The following PPP1R21 variants were observed in gnomAD, a reference collection of about 807,000 sequenced individuals.
PPP1R21 encodes the protein protein phosphatase 1 regulatory subunit 21.
In PPP1R21, 85 loss-of-function variants were observed where a neutral mutation model predicts 112.8. That is an observed-to-expected ratio of 0.75 (90% CI 0.63 to 0.90). The LOEUF (loss-of-function observed/expected upper bound fraction) is 0.90, where lower values mean the gene tolerates loss of function less well. Ranked by LOEUF, PPP1R21 falls within the 40% of genes least tolerant of loss-of-function variation. The pLI is 0.00. For synonymous variants in PPP1R21, 381 were observed against 322.3 expected (o/e 1.18, Z -1.95); for missense variants, 1,199 against 901.5 (o/e 1.33, Z -4.23).
At position 48,495,727 on chromosome 2, in the gene PPP1R21, A is replaced by T; in HGVS notation, c.1648A>T (p.Ile550Phe). 3 of 1,612,820 alleles carry T rather than the reference A, an allele frequency of 1.9e-6. No homozygotes were observed. Among genetic ancestry groups the T allele is most frequent in the Non-Finnish European group, 2.5e-6 (3 of 1,178,770 alleles). Reference protein sequence around the residue: ...PYEEALANRRILLSSTESREG... With the variant: ...PYEEALANRRFLLSSTESREG... ...TGAAGAAGCACTGGCAAACCGCCGC[A>T]TCCTTCTCAGCTCTACTGAAAGTCG... The change falls in exon 16 of 22, where the codon ATC becomes TTC. Residue 550 changes from isoleucine to phenylalanine, a missense_variant. Ile to Phe is a conservative substitution (Grantham distance 21). Transcript: ENST00000294952.
chr2:48,471,784 AC>A (rs1382442744), intron 11 of PPP1R21, among the ~76,000 whole-genome samples: 1 of 152,186 alleles, frequency 6.6e-6, no homozygotes, highest in African/African-American at 2.4e-5. Context: ...TCATTTAGTA[AC>A]CTTTGATATT....
intron 9 of PPP1R21, among the ~76,000 whole-genome samples, chr2:48,470,272 C>CT (rs1180387817): frequency 6.6e-6 from 1 of 152,106 alleles, no homozygotes; most frequent in African/African-American, 2.4e-5. Flanking sequence ...AATCACAGCA[C>CT]TTTGGGAGGC....
intron 21 of PPP1R21, among the ~76,000 whole-genome samples, chr2:48,514,131 A>T (rs1356219754): frequency 2.6e-5 from 3 of 117,526 alleles, no homozygotes. Context: ...TCCCGGGTTC[A>T]TGCCATTCTC....
At chr2:48,471,994 C>T (rs1384803797) in intron 11 of PPP1R21, among the ~76,000 whole-genome samples, 1 of 152,008 alleles carries the variant, frequency 6.6e-6, no homozygotes, top group Non-Finnish European at 1.5e-5. Flanking sequence ...AATCCCAGCA[C>T]TTTGGGAGGC....
At chr2:48,491,263 CT>C in intron 15 of PPP1R21, 93 bp downstream of exon 15, 1 of 1,359,866 alleles carries the variant, frequency 7.4e-7, no homozygotes, top group Non-Finnish European at 1.0e-6. Flanking sequence ...ATATTGTTGA[CT>C]TTTTATACGA....
At chr2:48,513,292 C>T (rs200938047) in intron 21 of PPP1R21, among the ~76,000 whole-genome samples, 1 of 151,952 alleles carries the variant, frequency 6.6e-6, no homozygotes, top group African/African-American at 2.4e-5. Flanking sequence ...GCAACCTTCA[C>T]CTCCCAGGTT....
At chr2:48,510,647 C>G (rs1670598314) in intron 20 of PPP1R21, among the ~76,000 whole-genome samples, 1 of 152,144 alleles carries the variant, frequency 6.6e-6, no homozygotes, top group South Asian at 2.1e-4. Context: ...ATTAGGCACA[C>G]AGGATTAGAT....
At chr2:48,477,435 G>T (rs1020461097) in intron 12 of PPP1R21, among the ~76,000 whole-genome samples, 2 of 152,038 alleles carry the variant, frequency 1.3e-5, no homozygotes, top group African/African-American at 2.4e-5. Context: ...TTTAATTTTT[G>T]TATATGGTGC....
chr2:48,444,414 A>T (rs1667162444), intron 1 of PPP1R21, among the ~76,000 whole-genome samples: 1 of 152,194 alleles, frequency 6.6e-6, no homozygotes. Flanking sequence ...ATGAAAGACC[A>T]TTTCTGACTT....
At chr2:48,495,595 G>T in intron 15 of PPP1R21, 84 bp from the exon 16 acceptor site, 2 of 741,228 alleles carry the variant, frequency 2.7e-6, no homozygotes, top group Non-Finnish European at 4.8e-6. Flanking sequence ...GTCACACCTC[G>T]TTTAGCATTC....
rs1358007440 is a variant in PPP1R21, at chr2:48,440,890, G to A, written c.-64G>A. 1 of 1,087,588 alleles carries A rather than the reference G, an allele frequency of 9.2e-7. No individual in the cohort carries two copies. 67.4% of individuals were successfully genotyped at this position (1,087,588 alleles called of 1,614,324 possible). On this transcript the variant is annotated 5_prime_UTR_variant, in exon 1 of 22. Coordinates refer to ENST00000294952, the MANE Select transcript of PPP1R21 (RefSeq NM_001135629.3). The stretch of plus-strand genomic sequence containing the variant: ...GACCCGTTCCCGGGAGCGTGTCTGG[G>A]TTTGGGGGCGGGAGACAGGCTGAGC...
At chr2:48,490,961 A>G (rs1669536175) in intron 14 of PPP1R21, 57 bp from the exon 15 acceptor site, 6 of 1,448,054 alleles carry the variant, frequency 4.1e-6, no homozygotes, top group African/African-American at 1.4e-5. Flanking sequence ...TATTAGATAT[A>G]TATTTTAGAT....
In PPP1R21 at chr2:48,469,469, C is replaced by CATATATAT. The variant is rs146311511; in HGVS notation, c.898-1610_898-1603dup. ...AGAGAGAGCATATATATATATAGAG[C>CATATATAT]ATATATATATATATAGAGCATATAT... is the stretch of plus-strand genomic sequence containing the variant. On this transcript the variant is annotated intron_variant, in intron 9 of 21. Transcript: ENST00000294952. Among the ~76,000 whole-genome samples, 64 of 58,510 alleles carry CATATATAT rather than the reference C, an allele frequency of 1.1e-3. 5 individuals carry two copies. Among genetic ancestry groups the CATATATAT allele is most frequent in the African/African-American group, 4.2e-3 (62 of 14,896 alleles). The allele number at this position is 58,510 out of a possible 152,430, so 38.4% of individuals were successfully genotyped here. A position where few individuals can be genotyped will look rare whatever the true frequency, so the allele number is the denominator to read the frequency against.
At chr2:48,482,889 T>G (rs1669088474) in intron 13 of PPP1R21, among the ~76,000 whole-genome samples, 2 of 152,098 alleles carry the variant, frequency 1.3e-5, no homozygotes. Flanking sequence ...AACTAGATAG[T>G]AAGCCCAGCA....
intron 12 of PPP1R21, among the ~76,000 whole-genome samples, chr2:48,478,445 A>G (rs1225576332): frequency 6.6e-6 from 1 of 152,220 alleles, no homozygotes; most frequent in Non-Finnish European, 1.5e-5. Flanking sequence ...TTGGGCATGC[A>G]TACAGTCACC....
chr2:48,490,066 A>G (rs952284245), intron 14 of PPP1R21, among the ~76,000 whole-genome samples: 1 of 151,762 alleles, frequency 6.6e-6, no homozygotes, highest in African/African-American at 2.4e-5. Context: ...CAAAAATACA[A>G]AAATTACCCG....
intron 2 of PPP1R21, 62 bp from the exon 3 acceptor site, chr2:48,454,533 A>G (rs773140263): frequency 2.3e-5 from 36 of 1,577,650 alleles, no homozygotes; most frequent in African/African-American, 4.1e-5. Context: ...AATAATTTTT[A>G]ATAAAATTTC....
intron 3 of PPP1R21, among the ~76,000 whole-genome samples, chr2:48,456,749 C>G (rs1395464147): frequency 6.6e-6 from 1 of 152,126 alleles, no homozygotes; most frequent in Non-Finnish European, 1.5e-5. Flanking sequence ...ACTTGGGAAA[C>G]TTTTTCAAGA....
intron 19 of PPP1R21, among the ~76,000 whole-genome samples, chr2:48,507,658 C>T (rs1276470608): frequency 1.3e-5 from 2 of 151,110 alleles, no homozygotes; most frequent in Admixed American, 6.6e-5. Context: ...TGAGCCACCT[C>T]GCCTGGCCCG....
Sources: gnomAD v4.1 joint callset for allele counts (sites outside exome capture counted in the v4.1 genomes callset) on GRCh38, gnomAD v4.1.1 for gene constraint, MANE v1.5 for transcripts, NCBI Gene and HGNC (gene_info 2026-07-23, HGNC 2026-07-21) for gene names.